Variants in LPXN observed in about 807,000 individuals in gnomAD.
The protein encoded by LPXN is leupaxin.
In LPXN, 28 loss-of-function variants were observed where a neutral mutation model predicts 45.6. That is an observed-to-expected ratio of 0.61 (90% CI 0.45 to 0.84). The LOEUF is 0.84. Ranked by LOEUF, LPXN falls within the 40% of genes least tolerant of loss-of-function variation. The pLI is 0.00. For missense variants in LPXN, 459 were observed against 475.0 expected (o/e 0.97, Z 0.31); for synonymous variants, 166 against 169.9 (o/e 0.98, Z 0.18).
In LPXN at chr11:58,534,087, A is replaced by T. The variant is rs1213313743; in HGVS notation, c.743-5896T>A. Among the ~76,000 whole-genome samples the T allele has an allele frequency of 2.6e-5, 4 of 152,168 alleles. No individual in the cohort carries two copies. The East Asian group carries it at 7.7e-4, about 29-fold the overall frequency. On this transcript the variant is annotated intron_variant, in intron 7 of 8. Transcript: ENST00000395074. ...CACAATAATAGTGGGAGACTTTAAC[A>T]CCCCACTGTCAATATTAGACAGATC...
upstream of LPXN, chr11:58,575,940 C>CT (rs753299345): frequency 0.16 from 162,252 of 1,041,948 alleles, 13 homozygotes; most frequent in East Asian, 0.18. Flanking sequence ...ATTTGGTGAG[C>CT]TTTTTTTTTT....
At chr11:58,561,205 A>T (rs1854365350) in intron 3 of LPXN, among the ~76,000 whole-genome samples, 1 of 152,142 alleles carries the variant, frequency 6.6e-6, no homozygotes, top group Non-Finnish European at 1.5e-5. Flanking sequence ...CACTTAATAT[A>T]TTTTCAAAAA....
intron 3 of LPXN, among the ~76,000 whole-genome samples, chr11:58,557,135 A>G (rs1854227698): frequency 6.6e-6 from 1 of 152,192 alleles, no homozygotes; most frequent in African/African-American, 2.4e-5. Flanking sequence ...AATAATATGC[A>G]GGTTTCTAAA....
upstream of LPXN, among the ~76,000 whole-genome samples, chr11:58,578,858 A>C (rs1855010090): frequency 6.7e-6 from 1 of 150,216 alleles, no homozygotes; most frequent in Admixed American, 6.6e-5. Flanking sequence ...GAAAAAGGTC[A>C]CTTTGGGATT....
chr11:58,577,556 T>C (rs1854937089), upstream of LPXN, among the ~76,000 whole-genome samples: 1 of 152,200 alleles, frequency 6.6e-6, no homozygotes, highest in South Asian at 2.1e-4. Context: ...TTGATTGTAA[T>C]GGATGAAAAG....
At chr11:58,567,709 T>G (rs1231639072) in intron 2 of LPXN, among the ~76,000 whole-genome samples, 1 of 152,248 alleles carries the variant, frequency 6.6e-6, no homozygotes, top group Non-Finnish European at 1.5e-5. Context: ...TTCAAAGGGA[T>G]AGTGATCTTT....
chr11:58,545,380 A>G (rs562692459), intron 7 of LPXN, among the ~76,000 whole-genome samples: 40 of 152,296 alleles, frequency 2.6e-4, no homozygotes, highest in Non-Finnish European at 4.1e-4. Context: ...CAACTTCTCC[A>G]TCATAATGAT....
At position 58,554,944 on chromosome 11, in the gene LPXN, T is replaced by TA. The variant is rs1854159567; in HGVS notation, c.219-5dup. On this transcript the variant is annotated splice_polypyrimidine_tract_variant and splice_region_variant and intron_variant, in intron 3 of 8. Transcript: ENST00000395074. ...TTCCTTTGGCTCTTGGGCTTCACTA[T>TA]AGAGGGAAAACAAAAAAGTCATATG... 1.9e-6 allele frequency: 3 copies of TA among 1,602,484 alleles called. No individual in the cohort carries two copies. Among genetic ancestry groups the TA allele is most frequent in the Non-Finnish European group, 2.6e-6 (3 of 1,169,806 alleles).
intron 7 of LPXN, among the ~76,000 whole-genome samples, chr11:58,541,231 C>T (rs1158652314): frequency 6.6e-6 from 1 of 152,118 alleles, no homozygotes; most frequent in East Asian, 1.9e-4. Flanking sequence ...GCAAAAGAAA[C>T]TACCATCAGA....
intron 4 of LPXN, among the ~76,000 whole-genome samples, chr11:58,553,561 C>CATT (rs921292180): frequency 6.6e-6 from 1 of 152,122 alleles, no homozygotes; most frequent in African/African-American, 2.4e-5. Context: ...TGTTTATTTA[C>CATT]TCATCTCTCT....
chr11:58,549,685 A>T, intron 7 of LPXN, 101 bp downstream of exon 7: 1 of 881,742 alleles, frequency 1.1e-6, no homozygotes, highest in Non-Finnish European at 1.8e-6. Flanking sequence ...CTTTGATAGT[A>T]CTGATAGGAA....
rs191235654 is a variant in LPXN, at chr11:58,543,132, G to A, written c.742+6654C>T. ...TCTCTCTCGCCATGCAGAGTAGGTC[G>A]TAGTTAGTTGGCTAGTTTGATTACT... is the stretch of plus-strand genomic sequence containing the variant. On this transcript the variant is annotated intron_variant, in intron 7 of 8. Transcript: ENST00000395074. Among the ~76,000 whole-genome samples, 352 of 152,204 alleles carry A rather than the reference G, an allele frequency of 2.3e-3. 1 individual carries two copies. Among genetic ancestry groups the A allele is most frequent in the Non-Finnish European group, 3.9e-3 (267 of 68,004 alleles).
rs533167673 is a variant in LPXN at position 58,570,820 on chromosome 11, A to G, written c.14-107T>C. 686 of 739,986 alleles carry G rather than the reference A, an allele frequency of 9.3e-4. 3 individuals carry two copies. In the African/African-American group the frequency reaches 0.011, roughly 12 times the overall value. 45.8% of individuals were successfully genotyped at this position (739,986 alleles called of 1,614,324 possible). The stretch of plus-strand genomic sequence containing the variant: ...GCCCACATTCATCTCCTTTTCTTCA[A>G]TTATGGCTATTTTCAAATACTTTCC... On this transcript the variant is annotated intron_variant, in intron 1 of 8. Coordinates refer to ENST00000395074, the MANE Select transcript of LPXN (RefSeq NM_004811.3).
At chr11:58,562,972 G>A (rs1363216023) in intron 3 of LPXN, among the ~76,000 whole-genome samples, 1 of 152,172 alleles carries the variant, frequency 6.6e-6, no homozygotes, top group African/African-American at 2.4e-5. Flanking sequence ...GGAAATCATG[G>A]GAAATAGGCC....
In LPXN at chr11:58,554,871, G is replaced by A; in HGVS notation, c.288C>T (p.Leu96=). Residue 96 remains leucine (L), a synonymous_variant, in exon 4 of 9, where the codon CTC becomes CTT. Coordinates refer to ENST00000395074, the MANE Select transcript of LPXN (RefSeq NM_004811.3). ...CCTGCATCTCAGTCAGGTGAGCCAT[G>A]AGCTCATCCAACTGAGCAGCTGCTG... The part of the protein sequence containing the change: ...KTSAAAQLDE[L]MAHLTEMQAK... 1 of 1,613,986 alleles carries A rather than the reference G, an allele frequency of 6.2e-7. No individual in the cohort carries two copies. The highest frequency in any genetic ancestry group is 1.1e-5 in the South Asian group (1 of 91,064).
At chr11:58,537,878 C>T (rs1447793629) in intron 7 of LPXN, among the ~76,000 whole-genome samples, 2 of 148,856 alleles carry the variant, frequency 1.3e-5, no homozygotes, top group Admixed American at 6.7e-5. Context: ...CCCATTAACT[C>T]GTCATTTAGC....
intron 7 of LPXN, among the ~76,000 whole-genome samples, chr11:58,538,777 T>C (rs1453269752): frequency 2.0e-5 from 3 of 149,406 alleles, no homozygotes; most frequent in Non-Finnish European, 4.4e-5. Context: ...ATACAATATA[T>C]ATACACAATA....
chr11:58,550,101 A>C lies in LPXN; in HGVS notation c.532T>G (p.Cys178Gly), dbSNP rs1398792883. The change falls in exon 6 of 9, where the codon TGT becomes GGT. Residue 178 changes from cysteine (C) to glycine (G), a missense_variant. Physicochemically the swap from Cys to Gly is radical, Grantham distance 159 (BLOSUM62 -3). Coordinates refer to ENST00000395074, the MANE Select transcript of LPXN (RefSeq NM_004811.3). ...CCAATCTCTTCTTTGCAATGAGTAC[A>C]GACAAAATGCTCAGGATGCCATGAT... ...GQSWHPEHFV[C>G]THCKEEIGSS... 1.9e-6 allele frequency: 3 copies of C among 1,614,082 alleles called. No individual in the cohort carries two copies. Among genetic ancestry groups the C allele is most frequent in the Non-Finnish European group, 2.5e-6 (3 of 1,180,028 alleles).
intron 1 of LPXN, among the ~76,000 whole-genome samples, chr11:58,573,207 T>C (rs1274243459): frequency 6.7e-6 from 1 of 148,216 alleles, no homozygotes; most frequent in Non-Finnish European, 1.5e-5. Flanking sequence ...GACCGTGCCA[T>C]TGCACTCCAG....
Sources: gnomAD v4.1 joint callset for allele counts (sites outside exome capture counted in the v4.1 genomes callset) on GRCh38, gnomAD v4.1.1 for gene constraint, MANE v1.5 for transcripts, NCBI Gene and HGNC (gene_info 2026-07-23, HGNC 2026-07-21) for gene names.